Variants in SLC37A1 observed in about 807,000 individuals in gnomAD.
The protein encoded by SLC37A1 is glucose-6-phosphate exchanger SLC37A1.
SLC37A1 carries 49 observed loss-of-function variants against 75.3 expected under a neutral mutation model. The ratio of observed to expected loss-of-function variants is 0.65; its 90% CI spans 0.52 to 0.83. The LOEUF (loss-of-function observed/expected upper bound fraction) is 0.83. SLC37A1 is among the 40% of genes least tolerant of loss of function. SLC37A1 has a pLI of 0.00. For synonymous variants in SLC37A1, 268 were observed against 292.1 expected (o/e 0.92, Z 0.84); for missense variants, 566 against 695.0 (o/e 0.81, Z 2.09).
intron 10 of SLC37A1, among the ~76,000 whole-genome samples, chr21:42,556,950 T>C (rs997360750): frequency 2.6e-5 from 4 of 152,148 alleles, no homozygotes; most frequent in Admixed American, 6.5e-5. Context: ...GGGGGCTCCT[T>C]GCTGCTTAGA....
intron 6 of SLC37A1, among the ~76,000 whole-genome samples, chr21:42,540,338 A>C (rs550473637): frequency 6.6e-6 from 1 of 152,312 alleles, no homozygotes; most frequent in South Asian, 2.1e-4. Flanking sequence ...AAACACCTTT[A>C]TCAGTGCCTA....
chr21:42,554,283 T>G (rs1982138902), intron 10 of SLC37A1, 141 bp downstream of exon 10: 1 of 718,462 alleles, frequency 1.4e-6, no homozygotes, highest in Non-Finnish European at 2.2e-6. Flanking sequence ...TCTCATTGTA[T>G]TTCTTCAGTA....
intron 3 of SLC37A1, among the ~76,000 whole-genome samples, chr21:42,530,640 ACACACACACACACAC>A (rs2054932010): frequency 3.5e-5 from 1 of 28,680 alleles, no homozygotes; most frequent in Admixed American, 4.8e-4. Context: ...ACACACACAC[ACACACACACACACAC>A]CCCCTCTGTG....
intron 11 of SLC37A1, 95 bp downstream of exon 11, chr21:42,559,184 G>A (rs865964164): frequency 1.4e-6 from 2 of 1,473,426 alleles, no homozygotes; most frequent in African/African-American, 2.8e-5. Context: ...AAAGACATCT[G>A]TGGTTGTAGA....
intron 3 of SLC37A1, among the ~76,000 whole-genome samples, chr21:42,532,464 G>A (rs1035472874): frequency 2.6e-5 from 4 of 152,168 alleles, no homozygotes; most frequent in Non-Finnish European, 5.9e-5. Flanking sequence ...TCTTCAGTCA[G>A]AGGTGAATTG....
At chr21:42,566,249 G>A (rs1601761540) in intron 15 of SLC37A1, among the ~76,000 whole-genome samples, 2 of 152,218 alleles carry the variant, frequency 1.3e-5, no homozygotes, top group South Asian at 4.1e-4. Flanking sequence ...TGCACCCCTG[G>A]TGGTGAGAGC....
At chr21:42,503,526 G>A (rs1314610364) in intron 2 of SLC37A1, among the ~76,000 whole-genome samples, 2 of 152,082 alleles carry the variant, frequency 1.3e-5, no homozygotes, top group Non-Finnish European at 2.9e-5. Context: ...TGGAATTACA[G>A]GTGTGAGCCA....
intron 17 of SLC37A1, 64 bp downstream of exon 17, chr21:42,568,502 T>C: frequency 1.3e-6 from 2 of 1,491,368 alleles, no homozygotes; most frequent in Admixed American, 1.8e-5. Context: ...TGTCACATGC[T>C]CGTGAACAGG....
intron 12 of SLC37A1, 125 bp from the exon 13 acceptor site, chr21:42,563,690 C>G: frequency 1.3e-6 from 1 of 769,248 alleles, no homozygotes; most frequent in Admixed American, 2.2e-5. Context: ...CTACTAATTG[C>G]TCCTCGGTAT....
At chr21:42,532,993 A>G (rs1247609551) in intron 3 of SLC37A1, among the ~76,000 whole-genome samples, 4 of 152,228 alleles carry the variant, frequency 2.6e-5, no homozygotes, top group African/African-American at 9.6e-5. Context: ...GGACTCAGTG[A>G]CGTGGCCCAC....
intron 3 of SLC37A1, among the ~76,000 whole-genome samples, chr21:42,533,274 AT>A (rs1439480079): frequency 6.6e-6 from 1 of 152,080 alleles, no homozygotes; most frequent in Non-Finnish European, 1.5e-5. Context: ...TGGGCACTCG[AT>A]CCCCCTAAGG....
rs1274232935 is a variant in SLC37A1 at position 42,565,876 on chromosome 21, G to A, written c.1270+1G>A. On this transcript the variant is annotated splice_donor_variant, in intron 15 of 19. Transcript: ENST00000352133. LOFTEE classifies it high-confidence loss of function. ...AAGATGGGGCTTGAGGCCACCATCG[G>A]TGAGTATGGAGGCCTTCCTGCTTTT... is the stretch of plus-strand genomic sequence containing the variant. The A allele has an allele frequency of 1.2e-6, 2 of 1,613,594 alleles. No homozygotes were observed. Among genetic ancestry groups the A allele is most frequent in the Non-Finnish European group, 1.7e-6 (2 of 1,179,678 alleles).
intron 11 of SLC37A1, among the ~76,000 whole-genome samples, chr21:42,559,475 C>G (rs1407384862): frequency 6.6e-6 from 1 of 152,262 alleles, no homozygotes; most frequent in African/African-American, 2.4e-5. Flanking sequence ...GGCCCCTCCC[C>G]AGTGCACTTG....
chr21:42,542,375 G>C, intron 6 of SLC37A1, 29 bp from the exon 7 acceptor site: 1 of 1,608,946 alleles, frequency 6.2e-7, no homozygotes, highest in Non-Finnish European at 8.5e-7. Context: ...CTTCCCACAG[G>C]TCAGTCTCTC....
At chr21:42,520,977 A>G (rs62215909) in intron 2 of SLC37A1, among the ~76,000 whole-genome samples, 22,336 of 152,214 alleles carry the variant, frequency 0.15, 2,408 homozygotes, top group African/African-American at 0.31. Context: ...GGCGAGTCCT[A>G]CTGATATAAC....
intron 1 of SLC37A1, among the ~76,000 whole-genome samples, chr21:42,517,514 G>A (rs1267331812): frequency 1.3e-5 from 2 of 152,152 alleles, no homozygotes; most frequent in East Asian, 1.9e-4. Flanking sequence ...GCTCACTTTC[G>A]AGGGAGGCAA....
intron 7 of SLC37A1, 48 bp downstream of exon 7, chr21:42,542,528 T>C: frequency 6.3e-7 from 1 of 1,580,824 alleles, no homozygotes; most frequent in Non-Finnish European, 8.7e-7. Flanking sequence ...AACTAGACCA[T>C]TTTACTTTTA....
Position 42,545,307 on chromosome 21 carries a change from T to G in SLC37A1, c.730+1705T>G, listed in dbSNP as rs969441470. On this transcript the variant is annotated intron_variant, in intron 8 of 19. Coordinates refer to ENST00000352133, the MANE Select transcript of SLC37A1 (RefSeq NM_001320537.2). This position sits in a 1 kb window ranked among gnomAD's most constrained non-coding sequence, Gnocchi z 4.0. ...GCCTGGGAGGTGCACTGTGTCTGAATGATGAGACCCAGCTGTGACAACAGT... is the reference window on the plus strand; with the variant it reads ...GCCTGGGAGGTGCACTGTGTCTGAAGGATGAGACCCAGCTGTGACAACAGT... Among the ~76,000 whole-genome samples, 3 of 152,244 alleles carry G rather than the reference T, an allele frequency of 2.0e-5. No homozygotes were observed. Among genetic ancestry groups the G allele is most frequent in the Middle Eastern group, 3.4e-3 (1 of 294 alleles).
chr21:42,544,938 TC>T (rs1300924349), intron 8 of SLC37A1, among the ~76,000 whole-genome samples: 1 of 152,154 alleles, frequency 6.6e-6, no homozygotes, highest in Non-Finnish European at 1.5e-5. Flanking sequence ...CATGGGGTCT[TC>T]TGTTCTCTTC....
Sources: allele counts gnomAD v4.1 joint callset (sites outside exome capture counted in the v4.1 genomes callset), GRCh38; gene constraint gnomAD v4.1.1; non-coding constraint Gnocchi (gnomAD v3.1); transcripts MANE v1.5; gene names NCBI Gene and HGNC (gene_info 2026-07-23, HGNC 2026-07-21).